SAXO1: variants seen among roughly 807,000 people sequenced by gnomAD.
SAXO1 encodes the protein stabilizer of axonemal microtubules 1.
SAXO1 carries 21 observed loss-of-function variants against 17.5 expected under a neutral mutation model. The observed-to-expected ratio is 1.20, with a 90% CI of 0.85 to 1.72. The LOEUF (loss-of-function observed/expected upper bound fraction) is 1.72, where lower values mean the gene tolerates loss of function less well. Among genes scored for constraint, SAXO1 ranks in the 40% most tolerant of loss-of-function variants. The pLI is 0.00. For missense variants in SAXO1, 843 were observed against 596.0 expected, an observed-to-expected ratio of 1.41 and a Z score of -4.32; for synonymous variants, 274 against 216.5, an observed-to-expected ratio of 1.27 and a Z score of -2.33.
Position 18,928,891 on chromosome 9 carries a change from G to C in SAXO1, c.586C>G (p.Leu196Val). Residue 196 changes from leucine (L) to valine (V), a missense_variant, in exon 4 of 4, where the codon CTC becomes GTC. Leu to Val is a conservative substitution (Grantham distance 32). Transcript: ENST00000380534. ...ISCKPLAMPK[L>V]CNIPLEDVTN... Reference sequence around the variant, plus strand: ...ACATCCTCCAAGGGGATGTTACAGAGCTTTGGCATGGCCAGAGGTTTACAG... The same window carrying C: ...ACATCCTCCAAGGGGATGTTACAGACCTTTGGCATGGCCAGAGGTTTACAG... The C allele has an allele frequency of 6.2e-7, 1 of 1,614,186 alleles. No individual in the cohort carries two copies. The highest frequency in any genetic ancestry group is 1.3e-5 in the African/African-American group (1 of 75,044).
intron 1 of SAXO1, among the ~76,000 whole-genome samples, chr9:18,984,001 A>G (rs1833495772): frequency 6.6e-6 from 1 of 152,246 alleles, no homozygotes; most frequent in Admixed American, 6.5e-5. Flanking sequence ...AGGGCTGAAG[A>G]ATGGATGTTA....
chr9:19,047,378 A>C (rs967551059), intron 1 of SAXO1, among the ~76,000 whole-genome samples: 7 of 152,154 alleles, frequency 4.6e-5, no homozygotes, highest in African/African-American at 1.7e-4. Context: ...AAAAAGAAAA[A>C]AAATACATTA....
intron 1 of SAXO1, among the ~76,000 whole-genome samples, chr9:19,042,017 T>A (rs934106822): frequency 1.3e-5 from 2 of 152,134 alleles, no homozygotes; most frequent in Admixed American, 6.5e-5. Flanking sequence ...ACCCACCGAA[T>A]GGGAGATAAT....
chr9:19,032,032 T>A (rs1352191600), intron 1 of SAXO1, among the ~76,000 whole-genome samples: 1 of 152,230 alleles, frequency 6.6e-6, no homozygotes, highest in Non-Finnish European at 1.5e-5. Flanking sequence ...ACAATAGTCC[T>A]ATGAGGTACG....
intron 1 of SAXO1, among the ~76,000 whole-genome samples, chr9:19,039,551 G>C (rs774649792): frequency 6.6e-6 from 1 of 152,218 alleles, no homozygotes; most frequent in African/African-American, 2.4e-5. Flanking sequence ...GCCATGCTTA[G>C]AGAACTGATT....
At chr9:19,047,902 G>C (rs536252478) in intron 1 of SAXO1, among the ~76,000 whole-genome samples, 15 of 152,162 alleles carry the variant, frequency 9.9e-5, no homozygotes, top group Non-Finnish European at 1.8e-4. Flanking sequence ...AAAGAACGGG[G>C]AAGGGAAACC....
At chr9:18,972,929 T>G (rs1036734164) in intron 1 of SAXO1, among the ~76,000 whole-genome samples, 2 of 152,060 alleles carry the variant, frequency 1.3e-5, no homozygotes, top group African/African-American at 4.8e-5. Flanking sequence ...GGCAACAGCC[T>G]CCGGTACTCA....
intron 1 of SAXO1, among the ~76,000 whole-genome samples, chr9:18,978,385 G>T (rs979769000): frequency 2.0e-5 from 3 of 152,188 alleles, no homozygotes; most frequent in African/African-American, 7.2e-5. Context: ...ACATCTGTTT[G>T]TTCTGGCCTG....
At chr9:18,952,466 T>C (rs937806320) in intron 1 of SAXO1, among the ~76,000 whole-genome samples, 4 of 152,242 alleles carry the variant, frequency 2.6e-5, no homozygotes, top group Admixed American at 1.3e-4. Context: ...ATATAAATAT[T>C]ACTGCCACCA....
chr9:19,019,182 C>A (rs201580568), intron 1 of SAXO1, among the ~76,000 whole-genome samples: 1 of 152,220 alleles, frequency 6.6e-6, no homozygotes, highest in East Asian at 1.9e-4. Flanking sequence ...TCAGCTTATT[C>A]TTCATATCAC....
At chr9:19,034,669 G>T (rs376271022), upstream of SAXO1, among the ~76,000 whole-genome samples, 1 of 152,164 alleles carries the variant, frequency 6.6e-6, no homozygotes, top group South Asian at 2.1e-4. Context: ...GTGGGAAGCT[G>T]CTCCTTGCCT....
intron 1 of SAXO1, among the ~76,000 whole-genome samples, chr9:18,984,261 T>C (rs1001927433): frequency 2.0e-5 from 3 of 152,182 alleles, no homozygotes; most frequent in Non-Finnish European, 4.4e-5. Context: ...TCCTAGGATT[T>C]TCAGAATGGT....
intron 1 of SAXO1, among the ~76,000 whole-genome samples, chr9:18,967,900 G>C (rs746029207): frequency 1.3e-5 from 2 of 152,318 alleles, no homozygotes; most frequent in Admixed American, 1.3e-4. Flanking sequence ...GAATCTCCTG[G>C]TCTGCAGGTT....
intron 1 of SAXO1, among the ~76,000 whole-genome samples, chr9:19,024,541 T>C (rs964940920): frequency 2.0e-5 from 3 of 152,048 alleles, no homozygotes; most frequent in Non-Finnish European, 4.4e-5. Context: ...CATGTATAGA[T>C]ATGTAACTAA....
intron 1 of SAXO1, among the ~76,000 whole-genome samples, chr9:18,972,285 A>C (rs757671001): frequency 1.3e-5 from 2 of 152,210 alleles, no homozygotes; most frequent in Non-Finnish European, 2.9e-5. Flanking sequence ...GCTTTCTCTA[A>C]TCTTTGCAAA....
chr9:18,966,870 C>T (rs1365041357), intron 1 of SAXO1, among the ~76,000 whole-genome samples: 1 of 152,162 alleles, frequency 6.6e-6, no homozygotes, highest in African/African-American at 2.4e-5. Context: ...TCCTCCTTAC[C>T]TTCGTGGATT....
chr9:18,929,256 T>C (rs376819660), intron 3 of SAXO1, among the ~76,000 whole-genome samples: 1 of 152,132 alleles, frequency 6.6e-6, no homozygotes, highest in Non-Finnish European at 1.5e-5. Flanking sequence ...AAGAGACAAA[T>C]CTACAGGAGC....
At chr9:19,037,673 G>C (rs1185927962), upstream of SAXO1, among the ~76,000 whole-genome samples, 1 of 152,118 alleles carries the variant, frequency 6.6e-6, no homozygotes, top group Non-Finnish European at 1.5e-5. Context: ...CCAAGTCTCA[G>C]GTATGCCTTT....
intron 3 of SAXO1, among the ~76,000 whole-genome samples, chr9:18,935,929 G>A (rs546681654): frequency 9.9e-5 from 15 of 152,276 alleles, no homozygotes; most frequent in African/African-American, 3.6e-4. Context: ...CAGCAGGGGT[G>A]GGGATGGGGT....
Sources: allele counts gnomAD v4.1 joint callset (sites outside exome capture counted in the v4.1 genomes callset), GRCh38; gene constraint gnomAD v4.1.1; transcripts MANE v1.5; gene names NCBI Gene and HGNC (gene_info 2026-07-23, HGNC 2026-07-21).